The following ABHD2 variants were observed in gnomAD, a reference collection of about 807,000 sequenced individuals.
The protein encoded by ABHD2 is abhydrolase domain containing 2, acylglycerol lipase, also known as monoacylglycerol lipase ABHD2.
A neutral mutation model predicts 48.1 loss-of-function variants in ABHD2; 20 were observed. The ratio of observed to expected loss-of-function variants is 0.42; its 90% CI spans 0.29 to 0.60. The LOEUF (loss-of-function observed/expected upper bound fraction) is 0.60, where lower values mean the gene tolerates loss of function less well. Among genes scored for constraint, ABHD2 ranks in the 20% least tolerant of loss-of-function variants. The pLI, the probability that ABHD2 is intolerant of heterozygous loss-of-function variation, is 0.24. For missense variants in ABHD2, 405 were observed against 550.9 expected (o/e 0.74, Z 2.65); for synonymous variants, 209 against 214.2 (o/e 0.98, Z 0.21).
At chr15:89,123,593 C>CTTTTTT (rs138910210) in intron 3 of ABHD2, among the ~76,000 whole-genome samples, 34 of 96,666 alleles carry the variant, frequency 3.5e-4, no homozygotes, top group South Asian at 7.3e-4. Flanking sequence ...TTCTTTCTTT[C>CTTTTTT]TTTTTTTTTT....
intron 3 of ABHD2, among the ~76,000 whole-genome samples, chr15:89,150,439 A>G (rs1355983562): frequency 2.6e-5 from 4 of 152,128 alleles, no homozygotes; most frequent in Non-Finnish European, 5.9e-5. Flanking sequence ...TGCCTTCCAA[A>G]TGCCATGGCT....
Position 89,193,226 on chromosome 15 carries a change from T to C in ABHD2, c.997-9T>C. 6.2e-7 allele frequency: 1 copy of C among 1,613,772 alleles called. No homozygotes were observed. The highest frequency in any genetic ancestry group is 8.5e-7 in the Non-Finnish European group (1 of 1,179,592). ...AGTAGTTTAATTCTGCTTTATGTTC[T>C]TGTTGCAGATTTATGTTCCTCTCAT... is the stretch of plus-strand genomic sequence containing the variant. On this transcript the variant is annotated splice_polypyrimidine_tract_variant and intron_variant, in intron 9 of 10. Transcript: ENST00000352732.
At chr15:89,187,463 A>G (rs1298478485) in intron 7 of ABHD2, among the ~76,000 whole-genome samples, 4 of 152,238 alleles carry the variant, frequency 2.6e-5, no homozygotes, top group Non-Finnish European at 4.4e-5. Flanking sequence ...CCAAGTTGGC[A>G]TAATAAATCC....
chr15:89,158,605 C>T (rs894173824), intron 5 of ABHD2, among the ~76,000 whole-genome samples: 8 of 152,208 alleles, frequency 5.3e-5, no homozygotes, highest in Non-Finnish European at 1.0e-4. Flanking sequence ...GATTCTTCAG[C>T]TGCAGTAAGG....
At chr15:89,165,305 T>A (rs12440469) in intron 5 of ABHD2, among the ~76,000 whole-genome samples, 72,436 of 151,728 alleles carry the variant, frequency 0.48, 18,042 homozygotes, top group African/African-American at 0.6. Context: ...TTTTTTTTTT[T>A]AAAAAAATTC....
Position 89,151,907 on chromosome 15 carries a change from C to T in ABHD2, c.370+55C>T, listed in dbSNP as rs2050597777. On this transcript the variant is annotated intron_variant, in intron 4 of 10. Coordinates refer to ENST00000352732, the MANE Select transcript of ABHD2 (RefSeq NM_152924.5). The surrounding 1 kb of genome is among the most constrained non-coding windows in gnomAD (Gnocchi z 4.7). ...CATCACTCAGAGAAGGAGCACTAGT[C>T]AGTGGAGAGCACAGCAGTGTGAATA... The T allele has an allele frequency of 4.4e-6, 7 of 1,582,556 alleles. No homozygotes were observed. The highest frequency in any genetic ancestry group is 3.5e-5 in the South Asian group (3 of 86,020).
chr15:89,094,999 G>T lies in ABHD2; in HGVS notation c.-107+6436G>T, dbSNP rs28417829. ...GAATCACTTGAACCCGGGAGGCAGAGGTTCCGGTGAGCCAAGATTGAGCTA... is the reference window on the plus strand; with the variant it reads ...GAATCACTTGAACCCGGGAGGCAGATGTTCCGGTGAGCCAAGATTGAGCTA... On this transcript the variant is annotated intron_variant, in intron 1 of 10. Transcript: ENST00000352732. This position sits in a 1 kb window ranked among gnomAD's most constrained non-coding sequence, Gnocchi z 4.7. 0.036 allele frequency among the ~76,000 whole-genome samples: 5,429 copies of T among 150,344 alleles called. 329 individuals carry two copies. The highest frequency in any genetic ancestry group is 0.13 in the African/African-American group (5,168 of 40,422).
chr15:89,107,266 T>G (rs1379867306), intron 1 of ABHD2, among the ~76,000 whole-genome samples: 1 of 152,160 alleles, frequency 6.6e-6, no homozygotes, highest in Non-Finnish European at 1.5e-5. Flanking sequence ...CCACTTAGTA[T>G]CCAGTGATTT....
rs2050813391 is a variant in ABHD2 at position 89,164,794 on chromosome 15, C to T, written c.538+9260C>T. Among the ~76,000 whole-genome samples, 1 of 151,622 alleles carries T rather than the reference C, an allele frequency of 6.6e-6. No homozygotes were observed. Among genetic ancestry groups the T allele is most frequent in the African/African-American group, 2.4e-5 (1 of 41,170 alleles). On this transcript the variant is annotated intron_variant, in intron 5 of 10. Coordinates refer to ENST00000352732, the MANE Select transcript of ABHD2 (RefSeq NM_152924.5). The surrounding 1 kb of genome is among the most constrained non-coding windows in gnomAD (Gnocchi z 5.0). Reference sequence around the variant, plus strand: ...CCTGTCTTTAAAAAAAAAAAAATGGCAATAATATAAAAGTGCATGGCATAG... The same window carrying T: ...CCTGTCTTTAAAAAAAAAAAAATGGTAATAATATAAAAGTGCATGGCATAG...
intron 9 of ABHD2, among the ~76,000 whole-genome samples, chr15:89,191,408 T>G (rs539751035): frequency 2.3e-4 from 35 of 152,168 alleles, no homozygotes; most frequent in Non-Finnish European, 4.9e-4. Flanking sequence ...ACCCACTTTT[T>G]TCTTAGTCTT....
intron 3 of ABHD2, among the ~76,000 whole-genome samples, chr15:89,140,973 T>G (rs1454754849): frequency 3.4e-5 from 2 of 58,940 alleles, no homozygotes; most frequent in African/African-American, 1.0e-4. Context: ...TTAGTTTCAC[T>G]TTTTTTTTTT....
chr15:89,184,330 A>T lies in ABHD2; in HGVS notation c.723-1094A>T, dbSNP rs2051169092. On this transcript the variant is annotated intron_variant, in intron 6 of 10. Coordinates refer to ENST00000352732, the MANE Select transcript of ABHD2 (RefSeq NM_152924.5). This position sits in a 1 kb window ranked among gnomAD's most constrained non-coding sequence, Gnocchi z 5.1. ...ACTCCCTGGATTGAAAAAATAATAA[A>T]AAACAAAACAAAAAACCTTACAAAC... 6.6e-6 allele frequency among the ~76,000 whole-genome samples: 1 copy of T among 152,180 alleles called. No homozygotes were observed. The highest frequency in any genetic ancestry group is 2.4e-5 in the African/African-American group (1 of 41,426).
intron 6 of ABHD2, among the ~76,000 whole-genome samples, chr15:89,178,603 AC>A (rs2051056269): frequency 2.0e-5 from 3 of 152,124 alleles, no homozygotes; most frequent in Admixed American, 6.5e-5. Context: ...GAAGCCAGCC[AC>A]CCGCTTGCTG....
intron 1 of ABHD2, among the ~76,000 whole-genome samples, chr15:89,099,228 A>C (rs1219174500): frequency 6.6e-6 from 1 of 152,240 alleles, no homozygotes; most frequent in Non-Finnish European, 1.5e-5. Context: ...TATTAAAATC[A>C]CGAACACTTT....
chr15:89,100,295 T>C lies in ABHD2; in HGVS notation c.-107+11732T>C, dbSNP rs1409492460. Among the ~76,000 whole-genome samples, 1 of 151,908 alleles carries C rather than the reference T, an allele frequency of 6.6e-6. No homozygotes were observed. Among genetic ancestry groups the C allele is most frequent in the Non-Finnish European group, 1.5e-5 (1 of 67,974 alleles). On this transcript the variant is annotated intron_variant, in intron 1 of 10. Transcript: ENST00000352732. This position sits in a 1 kb window ranked among gnomAD's most constrained non-coding sequence, Gnocchi z 4.4. ...ACATTGTGTTGTTAATTTTTTTTTT[T>C]TTTTTTAAGAGACAGGGTCTTACTC... is the stretch of plus-strand genomic sequence containing the variant.
chr15:89,151,882 C>T lies in ABHD2; in HGVS notation c.370+30C>T. 1.9e-6 allele frequency: 3 copies of T among 1,607,620 alleles called. No homozygotes were observed. Among genetic ancestry groups the T allele is most frequent in the Non-Finnish European group, 8.5e-7 (1 of 1,176,348 alleles). ...GCTGCTTTAGATTGTGTGATTGAGC[C>T]ATCACTCAGAGAAGGAGCACTAGTC... On this transcript the variant is annotated intron_variant, in intron 4 of 10. Transcript: ENST00000352732. The surrounding 1 kb of genome is among the most constrained non-coding windows in gnomAD (Gnocchi z 4.7).
chr15:89,073,291 A>G, the ABHD2 span, among the ~76,000 whole-genome samples: 1 of 152,056 alleles, frequency 6.6e-6, no homozygotes, highest in Non-Finnish European at 1.5e-5. Context: ...ACTTGTGTGG[A>G]ATATCTGGGG....
chr15:89,070,984 C>A, the ABHD2 span, among the ~76,000 whole-genome samples: 6 of 152,150 alleles, frequency 3.9e-5, no homozygotes, highest in Non-Finnish European at 7.4e-5. Flanking sequence ...GTGTGCCCCC[C>A]GCTTGCTCTC....
chr15:89,183,946 C>T (rs935862458), intron 6 of ABHD2, among the ~76,000 whole-genome samples: 2 of 152,164 alleles, frequency 1.3e-5, no homozygotes, highest in African/African-American at 2.4e-5. Context: ...ACCCCCTTCC[C>T]TCTGACCACA....
Sources: allele counts gnomAD v4.1 joint callset (sites outside exome capture counted in the v4.1 genomes callset), GRCh38; gene constraint gnomAD v4.1.1; non-coding constraint Gnocchi (gnomAD v3.1); transcripts MANE v1.5; gene names NCBI Gene and HGNC (gene_info 2026-07-23, HGNC 2026-07-21).